Variants in ZFHX3 observed in about 807,000 individuals in gnomAD.
ZFHX3 encodes zinc finger homeobox protein 3.
ZFHX3 carries 42 observed loss-of-function variants against 279.1 expected under a neutral mutation model. The ratio of observed to expected loss-of-function variants is 0.15; its 90% CI spans 0.12 to 0.19. ZFHX3 has a LOEUF of 0.19. Among genes scored for constraint, ZFHX3 ranks in the 10% least tolerant of loss-of-function variants. ZFHX3 has a pLI of 1.00. For missense variants in ZFHX3, 4,981 were observed against 4,754.0 expected, an observed-to-expected ratio of 1.05 and a Z score of -1.40; for synonymous variants, 2,293 against 1,957.8, an observed-to-expected ratio of 1.17 and a Z score of -4.52.
Position 72,818,835 on chromosome 16 carries a change from G to A in ZFHX3, c.3530-6797C>T, listed in dbSNP as rs2266940. ...CCCTAGAAAACACCTACCCCTAAAA[G>A]TAGAATATGCTTACAAAGGTATGGC... On this transcript the variant is annotated intron_variant, in intron 5 of 9. Transcript: ENST00000268489. Among the ~76,000 whole-genome samples, 100 of 152,236 alleles carry A rather than the reference G, an allele frequency of 6.6e-4. No individual in the cohort carries two copies. The East Asian group carries it at 0.016, about 25-fold the overall frequency.
chr16:73,090,778 G>A (rs1966065607), intron 8 of ZFHX3, among the ~76,000 whole-genome samples: 2 of 151,756 alleles, frequency 1.3e-5, no homozygotes, highest in Non-Finnish European at 1.5e-5. Flanking sequence ...AGGTGTACTG[G>A]TGTGCATCTG....
intron 1 of ZFHX3, among the ~76,000 whole-genome samples, chr16:73,685,012 T>C (rs1308484387): frequency 1.1e-4 from 2 of 17,418 alleles, no homozygotes; most frequent in East Asian, 2.3e-3. Context: ...CAAGGGTCAT[T>C]TTATTTATTA....
chr16:73,227,159 T>C (rs753288168), intron 5 of ZFHX3, among the ~76,000 whole-genome samples: 1 of 152,120 alleles, frequency 6.6e-6, no homozygotes, highest in African/African-American at 2.4e-5. Context: ...ATCTCATAAT[T>C]GGAGTTAAAT....
At chr16:72,990,123 TC>T (rs1963026070) in intron 1 of ZFHX3, among the ~76,000 whole-genome samples, 1 of 152,126 alleles carries the variant, frequency 6.6e-6, no homozygotes, top group South Asian at 2.1e-4. Flanking sequence ...GATTTCTGAC[TC>T]AGCCAGTCAA....
At chr16:73,745,880 C>A (rs1368114184) in intron 1 of ZFHX3, among the ~76,000 whole-genome samples, 2 of 151,446 alleles carry the variant, frequency 1.3e-5, no homozygotes, top group Non-Finnish European at 2.9e-5. Context: ...TCTTAGGTTA[C>A]CCAGATCCAA....
rs74028200 is a variant in ZFHX3, at chr16:73,001,238, G to C, written c.-49-41044C>G. On this transcript the variant is annotated intron_variant, in intron 1 of 9. Coordinates refer to ENST00000268489, the MANE Select transcript of ZFHX3 (RefSeq NM_006885.4). The stretch of plus-strand genomic sequence containing the variant: ...TGAGACCCACATGGCAAAGAACTGA[G>C]AGCAGCCTCCAGCCAGCAGCTCTTG... 6.4e-3 allele frequency among the ~76,000 whole-genome samples: 981 copies of C among 152,316 alleles called. 9 individuals are homozygous for C. The highest frequency in any genetic ancestry group is 0.019 in the African/African-American group (795 of 41,562).
At chr16:73,232,562 C>G (rs1168728828) in intron 5 of ZFHX3, 1 of 152,200 alleles carries the variant, frequency 6.6e-6, no homozygotes, top group Non-Finnish European at 1.5e-5. Context: ...GACATCTGGT[C>G]CCAGGGAATC....
chr16:73,227,748 C>T (rs1467941199), intron 5 of ZFHX3, among the ~76,000 whole-genome samples: 1 of 145,576 alleles, frequency 6.9e-6, no homozygotes, highest in South Asian at 2.2e-4. Context: ...ACTCAGGAGG[C>T]TGAGGCATGA....
chr16:73,401,369 A>ACACACACACACACACACACAC (rs35247550), intron 3 of ZFHX3: 2 of 66,136 alleles, frequency 3.0e-5, no homozygotes, highest in African/African-American at 6.0e-5. Context: ...AACAAAAAAC[A>ACACACACACACACACACACAC]AAACACACAC....
chr16:73,403,354 C>T (rs1392129837), intron 3 of ZFHX3, among the ~76,000 whole-genome samples: 8 of 152,190 alleles, frequency 5.3e-5, no homozygotes, highest in Non-Finnish European at 8.8e-5. Context: ...AAGTGACTGG[C>T]CCTCCACCAT....
At chr16:73,521,172 G>T (rs1207090380) in intron 2 of ZFHX3, among the ~76,000 whole-genome samples, 1 of 152,148 alleles carries the variant, frequency 6.6e-6, no homozygotes, top group East Asian at 1.9e-4. Flanking sequence ...GTTGTGGCTG[G>T]TTGGTTAGTT....
chr16:73,016,329 T>C (rs1184784797), intron 1 of ZFHX3, among the ~76,000 whole-genome samples: 1 of 152,168 alleles, frequency 6.6e-6, no homozygotes, highest in East Asian at 1.9e-4. Context: ...GATTTAAATG[T>C]TCAATTTTAG....
intron 1 of ZFHX3, among the ~76,000 whole-genome samples, chr16:73,803,877 C>T (rs559220419): frequency 6.6e-6 from 1 of 152,232 alleles, no homozygotes; most frequent in Admixed American, 6.5e-5. Flanking sequence ...TTACTAGAAA[C>T]AGCCAGGCAC....
chr16:73,506,936 C>A (rs1200972828), intron 2 of ZFHX3, among the ~76,000 whole-genome samples: 1 of 152,120 alleles, frequency 6.6e-6, no homozygotes, highest in African/African-American at 2.4e-5. Context: ...AATGGTGCGG[C>A]GTGTAATAGA....
intron 5 of ZFHX3, among the ~76,000 whole-genome samples, chr16:72,818,500 G>T (rs1333595428): frequency 6.6e-6 from 1 of 152,168 alleles, no homozygotes; most frequent in Non-Finnish European, 1.5e-5. Flanking sequence ...TTCCTTTAAA[G>T]AATCTGCTTT....
intron 1 of ZFHX3, among the ~76,000 whole-genome samples, chr16:73,840,969 G>T (rs940309570): frequency 6.6e-6 from 1 of 152,136 alleles, no homozygotes. Flanking sequence ...AAAGGAATTG[G>T]CAGGACACCA....
At chr16:73,199,997 TG>T (rs1346994549) in intron 5 of ZFHX3, among the ~76,000 whole-genome samples, 4 of 152,222 alleles carry the variant, frequency 2.6e-5, no homozygotes, top group Admixed American at 2.6e-4. Flanking sequence ...CTAGTCAATT[TG>T]TAAAATATGT....
intron 5 of ZFHX3, among the ~76,000 whole-genome samples, chr16:72,823,643 C>T (rs543842792): frequency 9.7e-4 from 148 of 152,304 alleles, no homozygotes; most frequent in Non-Finnish European, 1.9e-3. Flanking sequence ...CAAGAGAAAT[C>T]TGGGAAAGTT....
chr16:73,755,294 C>CCTG (rs2053798365), intron 1 of ZFHX3, among the ~76,000 whole-genome samples: 1 of 151,888 alleles, frequency 6.6e-6, no homozygotes, highest in Non-Finnish European at 1.5e-5. Context: ...GATATAACGA[C>CCTG]ATATATAAAC....
Sources: allele counts gnomAD v4.1 joint callset (sites outside exome capture counted in the v4.1 genomes callset), GRCh38; gene constraint gnomAD v4.1.1; transcripts MANE v1.5; gene names NCBI Gene and HGNC (gene_info 2026-07-23, HGNC 2026-07-21).